ANXA4: variants seen among roughly 807,000 people sequenced by gnomAD.
ANXA4 encodes 35-beta calcimedin.
Under a neutral mutation model 49.8 loss-of-function variants are expected in ANXA4, and 39 were observed. The observed-to-expected ratio is 0.78, with a 90% CI of 0.61 to 1.02. The LOEUF (loss-of-function observed/expected upper bound fraction) is 1.02, where lower values mean the gene tolerates loss of function less well. ANXA4 is among the 50% of genes least tolerant of loss of function. ANXA4 has a pLI of 0.00. For synonymous variants in ANXA4, 134 were observed against 152.5 expected (o/e 0.88, Z 0.89); for missense variants, 360 against 410.1 (o/e 0.88, Z 1.05).
In ANXA4 at chr2:69,706,141, G is replaced by C. The variant is rs1254951282; in HGVS notation, n.767-14633G>C. ...GCAAAAATAATCTAGCTATTTCTAA[G>C]ATACTAAGACTCTGGTTTTTGTTTT... On this transcript the variant is annotated intron_variant and non_coding_transcript_variant, in intron 2 of 3. Coordinates refer to the ANXA4 transcript ENST00000418066. 4.6e-5 allele frequency among the ~76,000 whole-genome samples: 7 copies of C among 151,426 alleles called. No homozygotes were observed. In the East Asian group the frequency reaches 1.2e-3, roughly 25 times the overall value.
chr2:69,728,384 A>G (rs1449912427), intron 3 of ANXA4, among the ~76,000 whole-genome samples: 2 of 152,198 alleles, frequency 1.3e-5, no homozygotes, highest in South Asian at 2.1e-4. Context: ...TAAGTTTAAT[A>G]TAACTGAATT....
intron 1 of ANXA4, among the ~76,000 whole-genome samples, chr2:69,645,832 A>G (rs996328586): frequency 2.0e-5 from 3 of 152,224 alleles, no homozygotes; most frequent in African/African-American, 7.2e-5. Context: ...TACATATATT[A>G]AGTATATAAT....
chr2:69,807,960 G>C lies in ANXA4; in HGVS notation c.361G>C (p.Glu121Gln). 6.2e-7 allele frequency: 1 copy of C among 1,614,168 alleles called. No individual in the cohort carries two copies. Among genetic ancestry groups the C allele is most frequent in the South Asian group, 1.1e-5 (1 of 91,074 alleles). The change falls in exon 6 of 13, where the codon GAG becomes CAG. Residue 121 changes from glutamate (E) to glutamine (Q), a missense_variant. Transcript: ENST00000394295. ...TGAGATCCTGGCCTCCCGGACCCCT[G>C]AGGAGATCCGGCGCATAAGCCAAAC... Reference protein sequence around the residue: ...LIEILASRTPEEIRRISQTYQ... With the variant: ...LIEILASRTPQEIRRISQTYQ...
At chr2:69,780,902 ATG>A (rs1559184535) in intron 1 of ANXA4, among the ~76,000 whole-genome samples, 1 of 152,210 alleles carries the variant, frequency 6.6e-6, no homozygotes, top group Non-Finnish European at 1.5e-5. Context: ...ACTGAAAAAA[ATG>A]TGTGATGATG....
chr2:69,722,991 T>G (rs926476666), intron 3 of ANXA4, among the ~76,000 whole-genome samples: 36 of 146,140 alleles, frequency 2.5e-4, no homozygotes, highest in African/African-American at 8.6e-4. Flanking sequence ...GCTAACATGA[T>G]GAAACTCCAT....
chr2:69,778,479 T>C (rs1672051301), intron 1 of ANXA4, among the ~76,000 whole-genome samples: 2 of 152,068 alleles, frequency 1.3e-5, no homozygotes, highest in Admixed American at 1.3e-4. Flanking sequence ...ATCTGGCATT[T>C]AGAAAGTAAA....
intron 2 of ANXA4, among the ~76,000 whole-genome samples, chr2:69,661,237 A>AT (rs1676706300): frequency 6.6e-6 from 1 of 151,582 alleles, no homozygotes. Flanking sequence ...AAAAAAAAAA[A>AT]GCTGAGAAAA....
intron 3 of ANXA4, chr2:69,720,953 G>A (rs1314161439): frequency 1.3e-5 from 2 of 152,234 alleles, no homozygotes; most frequent in Non-Finnish European, 2.9e-5. Context: ...TGCTTCCTCT[G>A]ATTCTCACCA....
chr2:69,645,475 T>C (rs767752377), intron 1 of ANXA4, among the ~76,000 whole-genome samples: 2 of 152,240 alleles, frequency 1.3e-5, no homozygotes, highest in Non-Finnish European at 2.9e-5. Context: ...ATTAGACTCA[T>C]TGACCCCCAT....
At chr2:69,775,891 G>A (rs1226720447) in intron 1 of ANXA4, among the ~76,000 whole-genome samples, 1 of 152,096 alleles carries the variant, frequency 6.6e-6, no homozygotes, top group African/African-American at 2.4e-5. Context: ...AATTGGCTGA[G>A]AGTTAGATAA....
At position 69,663,293 on chromosome 2, in the gene ANXA4, C is replaced by CTTTTTT. The variant is rs55970370; in HGVS notation, n.766+10040_766+10045dup. ...ACAGGCGTGAGCCAATGCACCCGGC[C>CTTTTTT]TTTTTTTTTTTTTTTTTTTTTTTTT... On this transcript the variant is annotated intron_variant and non_coding_transcript_variant, in intron 2 of 3. Transcript: ENST00000418066. 4.1e-3 allele frequency among the ~76,000 whole-genome samples: 174 copies of CTTTTTT among 42,824 alleles called. 39 individuals are homozygous for CTTTTTT. Among genetic ancestry groups the CTTTTTT allele is most frequent in the African/African-American group, 0.01 (113 of 10,862 alleles). 28.1% of individuals were successfully genotyped at this position (42,824 alleles called of 152,430 possible).
chr2:69,656,014 GGGGCC>G (rs1429388185), intron 2 of ANXA4, among the ~76,000 whole-genome samples: 2 of 151,806 alleles, frequency 1.3e-5, no homozygotes, highest in Non-Finnish European at 1.5e-5. Context: ...ATCACACACT[GGGGCC>G]TGTCAGTGGG....
chr2:69,708,332 C>G (rs117418273), intron 2 of ANXA4, among the ~76,000 whole-genome samples: 1 of 152,186 alleles, frequency 6.6e-6, no homozygotes, highest in Non-Finnish European at 1.5e-5. Flanking sequence ...CAACTCTCTA[C>G]GGACACGACT....
At chr2:69,677,838 A>C (rs1677461338) in intron 2 of ANXA4, among the ~76,000 whole-genome samples, 1 of 152,136 alleles carries the variant, frequency 6.6e-6, no homozygotes, top group Non-Finnish European at 1.5e-5. Flanking sequence ...CTTACCCCTA[A>C]AGCAAGCCAG....
At chr2:69,701,906 A>C (rs929523291) in intron 2 of ANXA4, among the ~76,000 whole-genome samples, 3 of 152,190 alleles carry the variant, frequency 2.0e-5, no homozygotes, top group Non-Finnish European at 4.4e-5. Context: ...CGTTCTTAAT[A>C]AATTAAGAAA....
chr2:69,782,831 C>T (rs958568390), intron 2 of ANXA4, among the ~76,000 whole-genome samples: 1 of 152,178 alleles, frequency 6.6e-6, no homozygotes, highest in Non-Finnish European at 1.5e-5. Context: ...GAGAAAATTA[C>T]CTCAGTTGCT....
At chr2:69,727,615 A>G (rs1033813180) in intron 3 of ANXA4, among the ~76,000 whole-genome samples, 3 of 152,206 alleles carry the variant, frequency 2.0e-5, no homozygotes, top group African/African-American at 7.2e-5. Flanking sequence ...GGCACTTTAC[A>G]AAAATTTAAT....
Position 69,656,309 on chromosome 2 carries a change from ATATG to A in ANXA4, n.766+3031_766+3034del, listed in dbSNP as rs1357678514. On this transcript the variant is annotated intron_variant and non_coding_transcript_variant, in intron 2 of 3. Coordinates refer to the ANXA4 transcript ENST00000418066. ...TATACATATATGTATATATATGTAT[ATATG>A]TATATATATGTATATATATGTGTAT... Among the ~76,000 whole-genome samples, 464 of 81,666 alleles carry A rather than the reference ATATG, an allele frequency of 5.7e-3. 30 individuals carry two copies. The highest frequency in any genetic ancestry group is 0.015 in the African/African-American group (411 of 27,556). 53.6% of individuals were successfully genotyped at this position (81,666 alleles called of 152,430 possible).
At chr2:69,671,371 C>T (rs1041088376) in intron 2 of ANXA4, among the ~76,000 whole-genome samples, 10 of 152,058 alleles carry the variant, frequency 6.6e-5, no homozygotes, top group African/African-American at 2.4e-4. Flanking sequence ...CAATAAGAAA[C>T]AACACAAGAG....
Sources: allele counts gnomAD v4.1 joint callset (sites outside exome capture counted in the v4.1 genomes callset), GRCh38; gene constraint gnomAD v4.1.1; transcripts MANE v1.5; gene names NCBI Gene and HGNC (gene_info 2026-07-23, HGNC 2026-07-21).